Variants in SURF2 observed in about 807,000 individuals in gnomAD.
SURF2 encodes surfeit locus protein 2.
Under a neutral mutation model 26.2 loss-of-function variants are expected in SURF2, and 32 were observed. That is an observed-to-expected ratio of 1.22 (90% CI 0.92 to 1.64). The LOEUF (loss-of-function observed/expected upper bound fraction) is 1.64, where lower values mean the gene tolerates loss of function less well. Ranked by LOEUF, SURF2 falls within the 40% of genes most tolerant of loss-of-function variation. The probability of loss-of-function intolerance (pLI) is 0.00; values close to 1 mark genes in which losing one functional copy is unlikely to be tolerated. For missense variants in SURF2, 415 were observed against 341.6 expected (o/e 1.21, Z -1.69); for synonymous variants, 173 against 139.1 (o/e 1.24, Z -1.71).
rs2130035818 is a variant in SURF2, at chr9:133,357,718, T to A, written c.241T>A (p.Leu81Met). ...IVPSTKNPHQ[L>M]FCKLTLRHIN... is the part of the protein sequence containing the mutation. ...GGTCTCTCTGCTCTGTAGGCACCAG[T>A]TGTTCTGCAAACTCACCCTGCGGCA... is the stretch of plus-strand genomic sequence containing the variant. The change falls in exon 3 of 6, where the codon TTG becomes ATG. Residue 81 changes from leucine (L) to methionine (M), a missense_variant. Coordinates refer to ENST00000371964, the MANE Select transcript of SURF2 (RefSeq NM_017503.5). 6.2e-7 allele frequency: 1 copy of A among 1,613,802 alleles called. No individual in the cohort carries two copies. Among genetic ancestry groups the A allele is most frequent in the African/African-American group, 1.3e-5 (1 of 75,064 alleles).
chr9:133,360,406 A>G lies in SURF2; in HGVS notation c.659A>G (p.Tyr220Cys). 1 of 1,612,074 alleles carries G rather than the reference A, an allele frequency of 6.2e-7. No individual in the cohort carries two copies. Among genetic ancestry groups the G allele is most frequent in the Non-Finnish European group, 8.5e-7 (1 of 1,179,862 alleles). ...GAGGGCAGGAGAGAGACGACCGTGT[A>G]CCGAGGGCTGGTCCAGAAGCGCGGG... The part of the protein sequence containing the change: ...TDEGRRETTV[Y>C]RGLVQKRGKK... The change falls in exon 5 of 6, where the codon TAC (tyrosine) becomes TGC (cysteine). Residue 220 changes from tyrosine (Y) to cysteine (C), a missense_variant. Transcript: ENST00000371964.
chr9:133,361,028 A>G lies in SURF2; in HGVS notation c.688-28A>G, dbSNP rs2130056420. The G allele has an allele frequency of 5.6e-4, 898 of 1,612,922 alleles. 18 individuals carry two copies. In the South Asian group the frequency reaches 9.4e-3, roughly 17 times the overall value. On this transcript the variant is annotated intron_variant, in intron 5 of 5. Transcript: ENST00000371964. ...CTTCTCCATGGGATCAGAAAGGCTCAGTAATCAGAATTTTGTTTATCCCAC... is the reference window on the plus strand; with the variant it reads ...CTTCTCCATGGGATCAGAAAGGCTCGGTAATCAGAATTTTGTTTATCCCAC...
At chr9:133,357,184 T>C in intron 2 of SURF2, 116 bp downstream of exon 2, 2 of 1,315,074 alleles carry the variant, frequency 1.5e-6, no homozygotes, top group Non-Finnish European at 2.0e-6. Flanking sequence ...GGGACCCAGG[T>C]GGGCGCCCGG....
chr9:133,357,373 G>T lies in SURF2; in HGVS notation c.233+305G>T, dbSNP rs2130033923. On this transcript the variant is annotated intron_variant, in intron 2 of 5. Coordinates refer to ENST00000371964, the MANE Select transcript of SURF2 (RefSeq NM_017503.5). ...AACCCCAGAAGGGGTCTTTGATTTA[G>T]CTGGGAGCTAGGCTTTGTAATAATC... 29 of 519,934 alleles carry T rather than the reference G, an allele frequency of 5.6e-5. 1 individual carries two copies. In the South Asian group the frequency reaches 7.3e-4, roughly 13 times the overall value. The allele number at this position is 519,934 out of a possible 1,614,324, so 32.2% of individuals were successfully genotyped here. A position where few individuals can be genotyped will look rare whatever the true frequency, so the allele number is the denominator to read the frequency against.
At chr9:133,360,490 C>A in intron 5 of SURF2, 56 bp downstream of exon 5, 1 of 1,478,238 alleles carries the variant, frequency 6.8e-7, no homozygotes. Context: ...TGATGGTTTT[C>A]CATTTGTTTA....
In SURF2 at chr9:133,361,100, C is replaced by A. The variant is rs2130057749; in HGVS notation, c.732C>A (p.Arg244=). Reference sequence around the variant, plus strand: ...AAAAGAAGTTCAAGAGTCATCACCGCAAACCCAAGAGCTTCAGCTCCTGTA... The same window carrying A: ...AAAAGAAGTTCAAGAGTCATCACCGAAAACCCAAGAGCTTCAGCTCCTGTA... ...SLKKKFKSHH[R]KPKSFSSCKQ... Residue 244 remains arginine (R), a synonymous_variant, in exon 6 of 6, where the codon CGC becomes CGA. Transcript: ENST00000371964. The A allele has an allele frequency of 2.0e-5, 32 of 1,614,080 alleles. No homozygotes were observed. The highest frequency in any genetic ancestry group is 2.6e-5 in the Non-Finnish European group (31 of 1,180,028).
In SURF2 at chr9:133,360,305, T is replaced by C. The variant is rs2130049866; in HGVS notation, c.558T>C (p.Asp186=). 1 of 1,614,100 alleles carries C rather than the reference T, an allele frequency of 6.2e-7. No individual in the cohort carries two copies. Among genetic ancestry groups the C allele is most frequent in the East Asian group, 2.2e-5 (1 of 44,866 alleles). The change falls in exon 5 of 6, where the codon GAT becomes GAC. Residue 186 remains aspartate, a synonymous_variant. Coordinates refer to ENST00000371964, the MANE Select transcript of SURF2 (RefSeq NM_017503.5). ...FTRKDLGSTE[D]GDGTDDFLTD... is the part of the protein sequence containing the mutation. Reference sequence around the variant, plus strand: ...GAAAGGACCTTGGAAGCACGGAGGATGGGGATGGCACTGATGACTTTTTGA... The same window carrying C: ...GAAAGGACCTTGGAAGCACGGAGGACGGGGATGGCACTGATGACTTTTTGA...
chr9:133,360,960 T>C, intron 5 of SURF2, 96 bp from the exon 6 acceptor site: 1 of 1,311,134 alleles, frequency 7.6e-7, no homozygotes, highest in Non-Finnish European at 1.1e-6. Flanking sequence ...GACCGACACC[T>C]CTGAGGCTGT....
In SURF2 at chr9:133,360,309, G is replaced by A. The variant is rs1017335332; in HGVS notation, c.562G>A (p.Asp188Asn). ...GGACCTTGGAAGCACGGAGGATGGG[G>A]ATGGCACTGATGACTTTTTGACAGA... ...RKDLGSTEDG[D>N]GTDDFLTDKE... is the part of the protein sequence containing the mutation. The change falls in exon 5 of 6, where the codon GAT (aspartate) becomes AAT (asparagine). Residue 188 changes from aspartate to asparagine, a missense_variant. Transcript: ENST00000371964. 5 of 1,614,118 alleles carry A rather than the reference G, an allele frequency of 3.1e-6. No individual in the cohort carries two copies. Among genetic ancestry groups the A allele is most frequent in the Non-Finnish European group, 4.2e-6 (5 of 1,180,050 alleles).
At chr9:133,359,302 G>A (rs2130041743) in intron 3 of SURF2, among the ~76,000 whole-genome samples, 1 of 152,182 alleles carries the variant, frequency 6.6e-6, no homozygotes, top group Non-Finnish European at 1.5e-5. Context: ...CCTGGAGATG[G>A]GCCGCCACAT....
intron 3 of SURF2, among the ~76,000 whole-genome samples, chr9:133,358,511 C>T (rs1017904900): frequency 2.0e-5 from 3 of 152,114 alleles, no homozygotes; most frequent in South Asian, 2.1e-4. Context: ...CAGGGACACC[C>T]GTGCTGGATG....
At chr9:133,358,413 G>A (rs931181809) in intron 3 of SURF2, among the ~76,000 whole-genome samples, 1 of 152,116 alleles carries the variant, frequency 6.6e-6, no homozygotes, top group Non-Finnish European at 1.5e-5. Context: ...GGTGGGTTTT[G>A]GGGGGAGAAT....
In SURF2 at chr9:133,356,960, A is replaced by T; in HGVS notation, c.125A>T (p.Glu42Val). 6.4e-7 allele frequency: 1 copy of T among 1,569,100 alleles called. No homozygotes were observed. Among genetic ancestry groups the T allele is most frequent in the South Asian group, 1.2e-5 (1 of 85,578 alleles). Residue 42 changes from glutamate to valine, a missense_variant, in exon 2 of 6, where the codon GAG (glutamate) becomes GTG (valine). Glu to Val is a moderately radical substitution (Grantham distance 121). Transcript: ENST00000371964. ...CACGAGCTGCCCTGCCGCCTGCCGG[A>T]GCTCCAGGTCTACACCCGCGGCAAA... The part of the protein sequence containing the change: ...TGHELPCRLP[E>V]LQVYTRGKKY...
rs2130052110 is a variant in SURF2 at position 133,360,449 on chromosome 9, CCT to C, written c.687+18_687+19del. On this transcript the variant is annotated intron_variant, in intron 5 of 5. Transcript: ENST00000371964. Reference sequence around the variant, plus strand: ...AGCGCGGGAAGGTGAGCTGTCACCTCCTCTGTTAGTGTGGCAGTGGCTTCCCC... The same window carrying C: ...AGCGCGGGAAGGTGAGCTGTCACCTCCTGTTAGTGTGGCAGTGGCTTCCCC... 3.5e-5 allele frequency: 55 copies of C among 1,590,112 alleles called. No homozygotes were observed. In the Admixed American group the frequency reaches 5.3e-4, roughly 15 times the overall value.
intron 2 of SURF2, 45 bp from the exon 3 acceptor site, chr9:133,357,666 C>T (rs987547732): frequency 5.1e-6 from 8 of 1,581,846 alleles, no homozygotes; most frequent in African/African-American, 1.3e-5. Context: ...AGTCTGAATC[C>T]TTGCTGTGAA....
chr9:133,356,567 CG>C lies in SURF2; in HGVS notation c.-23del. 1 of 1,509,784 alleles carries C rather than the reference CG, an allele frequency of 6.6e-7. No homozygotes were observed. Among genetic ancestry groups the C allele is most frequent in the Non-Finnish European group, 8.8e-7 (1 of 1,137,024 alleles). The allele number at this position is 1,509,784 out of a possible 1,614,324, so 93.5% of individuals were successfully genotyped here. A position where few individuals can be genotyped will look rare whatever the true frequency, so the allele number is the denominator to read the frequency against. On this transcript the variant is annotated 5_prime_UTR_variant, in exon 1 of 6. Transcript: ENST00000371964. ...TCCAGGTTCTGCGAGCGGCTTCCGCCGGGCTGCTCCGCGGGCGCGTCGGCCA... is the reference window on the plus strand; with the variant it reads ...TCCAGGTTCTGCGAGCGGCTTCCGCCGGCTGCTCCGCGGGCGCGTCGGCCA...
In SURF2 at chr9:133,356,699, G is replaced by A. The variant is rs2130029617; in HGVS notation, c.78+29G>A. 3.3e-6 allele frequency: 5 copies of A among 1,500,676 alleles called. No homozygotes were observed. The South Asian group carries it at 6.3e-5, about 19-fold the overall frequency. The allele number at this position is 1,500,676 out of a possible 1,614,324, so 93.0% of individuals were successfully genotyped here. A position where few individuals can be genotyped will look rare whatever the true frequency, so the allele number is the denominator to read the frequency against. The stretch of plus-strand genomic sequence containing the variant: ...CGCAGCGCGGGAGGGGAACGGAGTG[G>A]CGGAGAAGGGCGCAGTTGGGATGAG... On this transcript the variant is annotated intron_variant, in intron 1 of 5. Coordinates refer to ENST00000371964, the MANE Select transcript of SURF2 (RefSeq NM_017503.5).
chr9:133,358,891 C>CTTCT (rs2130040901), intron 3 of SURF2, among the ~76,000 whole-genome samples: 11 of 152,158 alleles, frequency 7.2e-5, no homozygotes, highest in Non-Finnish European at 1.2e-4. Context: ...CGTCTACGGG[C>CTTCT]TTCTGATGAG....
chr9:133,357,604 T>A, intron 2 of SURF2, 107 bp from the exon 3 acceptor site: 1 of 1,063,880 alleles, frequency 9.4e-7, no homozygotes, highest in Non-Finnish European at 1.4e-6. Flanking sequence ...AAAAGCCCGA[T>A]GTCCAAGCCG....
Sources: gnomAD v4.1 joint callset for allele counts (sites outside exome capture counted in the v4.1 genomes callset) on GRCh38, gnomAD v4.1.1 for gene constraint, MANE v1.5 for transcripts, NCBI Gene and HGNC (gene_info 2026-07-23, HGNC 2026-07-21) for gene names.